ITPKB: variants seen among roughly 807,000 people sequenced by gnomAD.
The protein encoded by ITPKB is IP3 3-kinase B.
A neutral mutation model predicts 69.4 loss-of-function variants in ITPKB; 13 were observed. The ratio of observed to expected loss-of-function variants is 0.19; its 90% confidence interval spans 0.12 to 0.30. The LOEUF (loss-of-function observed/expected upper bound fraction) is 0.30, where lower values mean the gene tolerates loss of function less well. Ranked by LOEUF, ITPKB falls within the 10% of genes least tolerant of loss-of-function variation. The pLI is 1.00. For missense variants in ITPKB, 1,240 were observed against 1,250.5 expected (o/e 0.99, Z 0.13); for synonymous variants, 584 against 513.7 (o/e 1.14, Z -1.85).
At chr1:226,651,575 G>A (rs554170128) in intron 2 of ITPKB, among the ~76,000 whole-genome samples, 7 of 152,246 alleles carry the variant, frequency 4.6e-5, no homozygotes, top group South Asian at 4.2e-4. Flanking sequence ...TAAAGACCTC[G>A]GAGCCTGGGG....
At chr1:226,687,798 G>T (rs1656249796) in intron 2 of ITPKB, among the ~76,000 whole-genome samples, 1 of 152,122 alleles carries the variant, frequency 6.6e-6, no homozygotes, top group Admixed American at 6.5e-5. Context: ...ATTGTCCAGG[G>T]GCCTTTTGTG....
chr1:226,663,183 TC>T (rs1476784046), intron 2 of ITPKB, among the ~76,000 whole-genome samples: 1 of 152,198 alleles, frequency 6.6e-6, no homozygotes, highest in Admixed American at 6.5e-5. Flanking sequence ...TCATCGCCCT[TC>T]CCCGTGCATC....
At chr1:226,677,204 T>C (rs1028679857) in intron 2 of ITPKB, among the ~76,000 whole-genome samples, 1 of 152,202 alleles carries the variant, frequency 6.6e-6, no homozygotes, top group African/African-American at 2.4e-5. Context: ...CTCACAAGGA[T>C]ATTTACCGAA....
intron 2 of ITPKB, among the ~76,000 whole-genome samples, chr1:226,653,277 C>T (rs117802933): frequency 0.017 from 2,544 of 152,324 alleles, 63 homozygotes; most frequent in Admixed American, 0.068. Flanking sequence ...CACTTCCGTG[C>T]CTATCAACGA....
chr1:226,690,651 A>G (rs1656327699), intron 2 of ITPKB, among the ~76,000 whole-genome samples: 1 of 152,236 alleles, frequency 6.6e-6, no homozygotes, highest in Non-Finnish European at 1.5e-5. Flanking sequence ...ATTTACGTCA[A>G]CTGAGAAGGA....
intron 2 of ITPKB, among the ~76,000 whole-genome samples, chr1:226,728,198 C>T (rs1415280713): frequency 6.6e-6 from 1 of 152,106 alleles, no homozygotes; most frequent in African/African-American, 2.4e-5. Context: ...ATAAAACTTA[C>T]CAGCTGATGT....
intron 2 of ITPKB, among the ~76,000 whole-genome samples, chr1:226,663,994 A>T (rs1037769407): frequency 2.6e-5 from 4 of 152,324 alleles, no homozygotes; most frequent in East Asian, 3.9e-4. Context: ...CAGAGAAGCA[A>T]AACCAAGAAA....
At chr1:226,697,941 A>C (rs975827166) in intron 2 of ITPKB, among the ~76,000 whole-genome samples, 1 of 152,182 alleles carries the variant, frequency 6.6e-6, no homozygotes. Context: ...ACAGGCTGGG[A>C]GCCACTCAAC....
At chr1:226,694,415 C>T (rs907398128) in intron 2 of ITPKB, among the ~76,000 whole-genome samples, 1 of 152,182 alleles carries the variant, frequency 6.6e-6, no homozygotes, top group African/African-American at 2.4e-5. Context: ...GTCAACCTTT[C>T]TATCTATGAC....
chr1:226,730,424 G>A lies in ITPKB; in HGVS notation c.1932+5103C>T, dbSNP rs112851442. Among the ~76,000 whole-genome samples, 490 of 152,178 alleles carry A rather than the reference G, an allele frequency of 3.2e-3. 3 individuals are homozygous for A. The highest frequency in any genetic ancestry group is 0.011 in the African/African-American group (438 of 41,518). On this transcript the variant is annotated intron_variant, in intron 2 of 7. Coordinates refer to ENST00000429204, the MANE Select transcript of ITPKB (RefSeq NM_002221.4). Reference sequence around the variant, plus strand: ...TTGTTAACAATGAGCTCCCCTGATGGCTGAAAAATACATCTTTCATGATGC... The same window carrying A: ...TTGTTAACAATGAGCTCCCCTGATGACTGAAAAATACATCTTTCATGATGC...
At chr1:226,714,292 G>C (rs1657043282) in intron 2 of ITPKB, among the ~76,000 whole-genome samples, 1 of 152,192 alleles carries the variant, frequency 6.6e-6, no homozygotes, top group Non-Finnish European at 1.5e-5. Flanking sequence ...CATTCCCTCT[G>C]TACAGTAACC....
At chr1:226,668,901 G>A (rs555957284) in intron 2 of ITPKB, 1 of 151,904 alleles carries the variant, frequency 6.6e-6, no homozygotes, top group African/African-American at 2.4e-5. Context: ...AGACCACTAT[G>A]AAAGTGTAAC....
In ITPKB at chr1:226,735,656, G is replaced by A. The variant is rs1425810082; in HGVS notation, c.1803C>T (p.Ser601=). 3.1e-6 allele frequency: 5 copies of A among 1,611,886 alleles called. No homozygotes were observed. Among genetic ancestry groups the A allele is most frequent in the Admixed American group, 1.7e-5 (1 of 59,682 alleles). ...AGGAGAAGCCCGTGGAGGAGGCCGA[G>A]GAAGAGGACAGTTTCCTCAGGGGCA... ...GNLPLRKLSS[S]SASSTGFSSS... is the part of the protein sequence containing the mutation. Residue 601 remains serine (S), a synonymous_variant, in exon 2 of 8, where the codon TCC becomes TCT. Coordinates refer to ENST00000429204, the MANE Select transcript of ITPKB (RefSeq NM_002221.4).
intron 2 of ITPKB, among the ~76,000 whole-genome samples, chr1:226,674,364 G>A (rs1359743274): frequency 6.6e-6 from 1 of 151,994 alleles, no homozygotes; most frequent in East Asian, 1.9e-4. Flanking sequence ...ACACTTGGCT[G>A]ATTTTTGTAG....
rs1028430819 is a variant in ITPKB at position 226,738,040 on chromosome 1, C to T, written c.-205-377G>A. ...CTCTCCCGGGCTGAGGACACCCCAG[C>T]CACCGTCTCCGGGTCTCCCCAGCCT... is the stretch of plus-strand genomic sequence containing the variant. On this transcript the variant is annotated intron_variant, in intron 1 of 7. Coordinates refer to ENST00000429204, the MANE Select transcript of ITPKB (RefSeq NM_002221.4). The surrounding 1 kb of genome is among the most constrained non-coding windows in gnomAD (Gnocchi z 4.2). Among the ~76,000 whole-genome samples, 2 of 152,212 alleles carry T rather than the reference C, an allele frequency of 1.3e-5. No individual in the cohort carries two copies. Among genetic ancestry groups the T allele is most frequent in the Non-Finnish European group, 2.9e-5 (2 of 68,028 alleles).
chr1:226,683,784 G>A (rs1014878081), intron 2 of ITPKB, among the ~76,000 whole-genome samples: 1 of 152,014 alleles, frequency 6.6e-6, no homozygotes, highest in African/African-American at 2.4e-5. Flanking sequence ...AGCTACCCAA[G>A]GACAGGCTGG....
intron 2 of ITPKB, among the ~76,000 whole-genome samples, chr1:226,661,048 T>C (rs1669394518): frequency 6.6e-6 from 1 of 152,206 alleles, no homozygotes; most frequent in Non-Finnish European, 1.5e-5. Flanking sequence ...CGGCAGACAA[T>C]TGGCACTGAA....
chr1:226,685,194 G>A (rs1299120132), intron 2 of ITPKB, among the ~76,000 whole-genome samples: 1 of 152,110 alleles, frequency 6.6e-6, no homozygotes, highest in Non-Finnish European at 1.5e-5. Context: ...ATCTGCGGAC[G>A]CCCCTTTCAA....
At chr1:226,662,439 T>C (rs1173765965) in intron 2 of ITPKB, among the ~76,000 whole-genome samples, 1 of 152,224 alleles carries the variant, frequency 6.6e-6, no homozygotes, top group African/African-American at 2.4e-5. Flanking sequence ...ATTCCTGAGA[T>C]TGAAAAAACT....
Sources: allele counts gnomAD v4.1 joint callset (sites outside exome capture counted in the v4.1 genomes callset), GRCh38; gene constraint gnomAD v4.1.1; non-coding constraint Gnocchi (gnomAD v3.1); transcripts MANE v1.5; gene names NCBI Gene and HGNC (gene_info 2026-07-23, HGNC 2026-07-21).